The following PGR variants were observed in gnomAD, a reference collection of about 807,000 sequenced individuals.
The protein encoded by PGR is nuclear receptor subfamily 3 group C member 3.
Under a neutral mutation model 76.1 loss-of-function variants are expected in PGR, and 25 were observed. The ratio of observed to expected loss-of-function variants is 0.33; its 90% CI spans 0.24 to 0.46. PGR has a LOEUF of 0.46. PGR is among the 20% of genes least tolerant of loss of function. PGR has a pLI of 1.00. For synonymous variants in PGR, 579 were observed against 535.0 expected (o/e 1.08, Z -1.14); for missense variants, 1,172 against 1,225.3 (o/e 0.96, Z 0.65).
intron 2 of PGR, among the ~76,000 whole-genome samples, chr11:101,096,005 A>T (rs902969258): frequency 1.2e-4 from 19 of 152,356 alleles, no homozygotes; most frequent in African/African-American, 4.6e-4. Flanking sequence ...TGAGGTAGGA[A>T]GTCTGGTATG....
rs1026249649 is a variant in PGR, at chr11:101,030,711, G to C, written c.*8405C>G. Reference sequence around the variant, plus strand: ...GTCTTTGAAATCCACAGAAAGGCAAGTCTGGAGATTAGGGCTTTCTCAAGC... The same window carrying C: ...GTCTTTGAAATCCACAGAAAGGCAACTCTGGAGATTAGGGCTTTCTCAAGC... On this transcript the variant is annotated 3_prime_UTR_variant, in exon 8 of 8. Coordinates refer to ENST00000325455, the MANE Select transcript of PGR (RefSeq NM_000926.4). The C allele has an allele frequency of 1.2e-4, 24 of 207,712 alleles. No homozygotes were observed. The Admixed American group carries it at 1.4e-3, about 12-fold the overall frequency. 12.9% of individuals were successfully genotyped at this position (207,712 alleles called of 1,614,324 possible). A position where few individuals can be genotyped will look rare whatever the true frequency, so the allele number is the denominator to read the frequency against.
intron 3 of PGR, among the ~76,000 whole-genome samples, chr11:101,072,942 G>C (rs1860993551): frequency 6.6e-6 from 1 of 152,126 alleles, no homozygotes; most frequent in Non-Finnish European, 1.5e-5. Context: ...AGGATATCCA[G>C]GACTTGAACT....
intron 3 of PGR, among the ~76,000 whole-genome samples, chr11:101,084,656 T>TA (rs113646711): frequency 0.13 from 18,797 of 139,288 alleles, 1,224 homozygotes; most frequent in East Asian, 0.19. Context: ...AGACTCCATC[T>TA]AAAAAAAAAA....
intron 2 of PGR, among the ~76,000 whole-genome samples, chr11:101,112,424 A>G (rs1185918527): frequency 6.6e-6 from 1 of 152,144 alleles, no homozygotes; most frequent in African/African-American, 2.4e-5. Flanking sequence ...TCTAGTGGTC[A>G]AGGAGAGAGG....
intron 2 of PGR, among the ~76,000 whole-genome samples, chr11:101,123,433 T>C (rs1011278481): frequency 6.6e-6 from 1 of 152,234 alleles, no homozygotes; most frequent in East Asian, 1.9e-4. Context: ...CTTCTACTTA[T>C]CTTTCTCATT....
In PGR at chr11:101,039,993, T is replaced by C. The variant is rs143291144; in HGVS notation, c.2647-722A>G. On this transcript the variant is annotated intron_variant, in intron 7 of 7. Transcript: ENST00000325455. ...ACACTCTCTTCCTCAACTACATACATGTTCTCTTCTCCCCAGAGAGAGCTT... is the reference window on the plus strand; with the variant it reads ...ACACTCTCTTCCTCAACTACATACACGTTCTCTTCTCCCCAGAGAGAGCTT... Among the ~76,000 whole-genome samples the C allele has an allele frequency of 4.1e-3, 621 of 152,204 alleles. 1 individual carries two copies. Among genetic ancestry groups the C allele is most frequent in the Non-Finnish European group, 6.5e-3 (443 of 67,948 alleles).
chr11:101,081,368 G>A (rs1020034996), intron 3 of PGR, among the ~76,000 whole-genome samples: 1 of 151,814 alleles, frequency 6.6e-6, no homozygotes, highest in Non-Finnish European at 1.5e-5. Flanking sequence ...GGCGGAGGTT[G>A]CAGTGAGCCA....
intron 2 of PGR, among the ~76,000 whole-genome samples, chr11:101,093,727 G>A (rs764924272): frequency 3.9e-5 from 6 of 152,174 alleles, no homozygotes; most frequent in Non-Finnish European, 8.8e-5. Flanking sequence ...CCAAAGTGCT[G>A]GGATTACAGG....
chr11:101,127,649 C>G lies in PGR; in HGVS notation c.1422G>C (p.Pro474=), dbSNP rs1862902668. ...KAEGAPPQQG[P]FAPPPCKAPG... ...GCGCCTTGCAGGGCGGCGGCGCGAA[C>G]GGGCCCTGCTGGGGCGGCGCGCCCT... The change falls in exon 1 of 8, where the codon CCG becomes CCC. Residue 474 remains proline, a synonymous_variant. Coordinates refer to ENST00000325455, the MANE Select transcript of PGR (RefSeq NM_000926.4). The G allele has an allele frequency of 7.0e-7, 1 of 1,437,586 alleles. No homozygotes were observed. Among genetic ancestry groups the G allele is most frequent in the African/African-American group, 1.5e-5 (1 of 68,028 alleles). The allele number at this position is 1,437,586 out of a possible 1,614,324, so 89.1% of individuals were successfully genotyped here. A position where few individuals can be genotyped will look rare whatever the true frequency, so the allele number is the denominator to read the frequency against.
intron 3 of PGR, among the ~76,000 whole-genome samples, chr11:101,069,656 AC>A (rs1395996324): frequency 6.6e-6 from 1 of 152,234 alleles, no homozygotes; most frequent in Non-Finnish European, 1.5e-5. Context: ...TGGCACATAT[AC>A]ACCATGGAAT....
At position 101,039,040 on chromosome 11, in the gene PGR, C is replaced by T. The variant is rs1859605728; in HGVS notation, c.*76G>A. The T allele has an allele frequency of 8.9e-7, 1 of 1,125,826 alleles. No homozygotes were observed. Among genetic ancestry groups the T allele is most frequent in the Non-Finnish European group, 1.3e-6 (1 of 750,126 alleles). The allele number at this position is 1,125,826 out of a possible 1,614,324, so 69.7% of individuals were successfully genotyped here. A position where few individuals can be genotyped will look rare whatever the true frequency, so the allele number is the denominator to read the frequency against. On this transcript the variant is annotated 3_prime_UTR_variant, in exon 8 of 8. Transcript: ENST00000325455. ...GGCTTTCAGAAGAACATTATAAAAA[C>T]TCAAGACCTCATAATCCTGACCAAA...
rs1859520672 is a variant in PGR at position 101,036,505 on chromosome 11, A to G, written c.*2611T>C. The stretch of plus-strand genomic sequence containing the variant: ...TGTCATTTTAGAGCTACCAGAAAGA[A>G]CACGACATGTAAAATGAAGATAATG... On this transcript the variant is annotated 3_prime_UTR_variant, in exon 8 of 8. Transcript: ENST00000325455. The G allele has an allele frequency of 5.0e-6, 1 of 200,232 alleles. No homozygotes were observed. Among genetic ancestry groups the G allele is most frequent in the Admixed American group, 6.0e-5 (1 of 16,652 alleles). 12.4% of individuals were successfully genotyped at this position (200,232 alleles called of 1,614,324 possible). A position where few individuals can be genotyped will look rare whatever the true frequency, so the allele number is the denominator to read the frequency against.
At chr11:101,041,883 T>C in intron 7 of PGR, 62 bp downstream of exon 7, 1 of 1,444,276 alleles carries the variant, frequency 6.9e-7, no homozygotes, top group Non-Finnish European at 9.7e-7. Flanking sequence ...CATGTAACAT[T>C]TAAAAAGTTA....
At chr11:101,058,918 T>C (rs1440999560) in intron 4 of PGR, among the ~76,000 whole-genome samples, 3 of 152,186 alleles carry the variant, frequency 2.0e-5, no homozygotes, top group Non-Finnish European at 2.9e-5. Flanking sequence ...GTACTTACTG[T>C]AGCAGTGTCC....
At chr11:101,123,576 TAGTC>T (rs1862745093) in intron 2 of PGR, among the ~76,000 whole-genome samples, 2 of 152,354 alleles carry the variant, frequency 1.3e-5, no homozygotes, top group South Asian at 4.1e-4. Context: ...ATTCAATGCT[TAGTC>T]AGTGTAATCT....
In PGR at chr11:101,038,413, A is replaced by G. The variant is rs1201126157; in HGVS notation, c.*703T>C. On this transcript the variant is annotated 3_prime_UTR_variant, in exon 8 of 8. Coordinates refer to ENST00000325455, the MANE Select transcript of PGR (RefSeq NM_000926.4). ...ATTAGAGGACAATTCTCTCCCCAAA[A>G]AAGGTTATTTTAAAAACCTACAAAA... 9.2e-6 allele frequency: 2 copies of G among 218,272 alleles called. No homozygotes were observed. Among genetic ancestry groups the G allele is most frequent in the Admixed American group, 1.2e-4 (2 of 17,234 alleles). The allele number at this position is 218,272 out of a possible 1,614,324, so 13.5% of individuals were successfully genotyped here.
intron 2 of PGR, among the ~76,000 whole-genome samples, chr11:101,125,664 A>G (rs1862816718): frequency 6.6e-6 from 1 of 152,204 alleles, no homozygotes; most frequent in Non-Finnish European, 1.5e-5. Context: ...CTGCATACAC[A>G]TATACCTACA....
At chr11:101,042,470 CT>C (rs988262484) in intron 6 of PGR, among the ~76,000 whole-genome samples, 29 of 151,868 alleles carry the variant, frequency 1.9e-4, no homozygotes, top group Non-Finnish European at 3.1e-4. Flanking sequence ...TAATCTGGAT[CT>C]TTTTTTTCCC....
chr11:101,077,720 G>A (rs565860992), intron 3 of PGR, among the ~76,000 whole-genome samples: 1 of 152,314 alleles, frequency 6.6e-6, no homozygotes, highest in East Asian at 1.9e-4. Flanking sequence ...GCATGTGTGA[G>A]ATGGTGTTTA....
Sources: gnomAD v4.1 joint callset for allele counts (sites outside exome capture counted in the v4.1 genomes callset) on GRCh38, gnomAD v4.1.1 for gene constraint, MANE v1.5 for transcripts, NCBI Gene and HGNC (gene_info 2026-07-23, HGNC 2026-07-21) for gene names.